Variants in HS6ST3 observed in about 807,000 individuals in gnomAD.
HS6ST3 encodes the protein heparan-sulfate 6-O-sulfotransferase 3.
Under a neutral mutation model 36.7 loss-of-function variants are expected in HS6ST3, and 12 were observed. That is an observed-to-expected ratio of 0.33 (90% CI 0.21 to 0.53). The LOEUF (loss-of-function observed/expected upper bound fraction) is 0.53, where lower values mean the gene tolerates loss of function less well. Among genes scored for constraint, HS6ST3 ranks in the 20% least tolerant of loss-of-function variants. The pLI is 0.95. For synonymous variants in HS6ST3, 240 were observed against 257.5 expected (o/e 0.93, Z 0.65); for missense variants, 584 against 640.9 (o/e 0.91, Z 0.96).
chr13:96,308,351 CAG>C (rs2054924039), intron 1 of HS6ST3, among the ~76,000 whole-genome samples: 1 of 152,068 alleles, frequency 6.6e-6, no homozygotes, highest in Admixed American at 6.5e-5. Flanking sequence ...TATAATTAGA[CAG>C]AGAATATTTA....
At chr13:96,399,422 A>G (rs938633892) in intron 1 of HS6ST3, among the ~76,000 whole-genome samples, 2 of 152,220 alleles carry the variant, frequency 1.3e-5, no homozygotes, top group African/African-American at 4.8e-5. Flanking sequence ...GATTAATAGC[A>G]AGATTACTTA....
chr13:96,548,687 C>G (rs1413152184), intron 1 of HS6ST3, among the ~76,000 whole-genome samples: 2 of 152,160 alleles, frequency 1.3e-5, no homozygotes, highest in Non-Finnish European at 2.9e-5. Context: ...AGCCAGCCTC[C>G]TAGTTGAAAT....
chr13:96,802,896 G>A lies in HS6ST3; in HGVS notation c.708-29594G>A, dbSNP rs541531866. Among the ~76,000 whole-genome samples, 19 of 152,156 alleles carry A rather than the reference G, an allele frequency of 1.2e-4. No individual in the cohort carries two copies. The South Asian group carries it at 3.7e-3, about 30-fold the overall frequency. On this transcript the variant is annotated intron_variant, in intron 1 of 1. Transcript: ENST00000376705. Reference sequence around the variant, plus strand: ...TCAAGTGGCATTTTAAAGTCTTACCGTAAAAGTACCTTATCAATCTGCATA... The same window carrying A: ...TCAAGTGGCATTTTAAAGTCTTACCATAAAAGTACCTTATCAATCTGCATA...
chr13:96,464,947 C>CATGT (rs1296442928), intron 1 of HS6ST3, among the ~76,000 whole-genome samples: 1 of 145,460 alleles, frequency 6.9e-6, no homozygotes, highest in Admixed American at 6.9e-5. Context: ...CAAGATGCTT[C>CATGT]GTGTGTGTGT....
chr13:96,744,310 A>G (rs1021343322), intron 1 of HS6ST3, among the ~76,000 whole-genome samples: 4 of 152,112 alleles, frequency 2.6e-5, no homozygotes, highest in African/African-American at 7.2e-5. Flanking sequence ...CTAGAAAACC[A>G]TAAAGAAAAT....
chr13:96,342,382 C>G (rs1047583172), intron 1 of HS6ST3, among the ~76,000 whole-genome samples: 1 of 152,144 alleles, frequency 6.6e-6, no homozygotes, highest in Non-Finnish European at 1.5e-5. Flanking sequence ...GCCTAGGTAT[C>G]TAATACTATG....
intron 1 of HS6ST3, among the ~76,000 whole-genome samples, chr13:96,405,155 C>T (rs1255793344): frequency 7.9e-5 from 12 of 152,140 alleles, no homozygotes; most frequent in East Asian, 3.9e-4. Flanking sequence ...AGCATGAAAA[C>T]GAACTAATAC....
intron 1 of HS6ST3, among the ~76,000 whole-genome samples, chr13:96,550,023 G>A (rs996682553): frequency 2.0e-5 from 3 of 152,160 alleles, no homozygotes; most frequent in African/African-American, 7.2e-5. Flanking sequence ...GCCTTTAAAA[G>A]CATCACATAG....
At chr13:96,520,966 T>A (rs1039939823) in intron 1 of HS6ST3, among the ~76,000 whole-genome samples, 5 of 152,224 alleles carry the variant, frequency 3.3e-5, no homozygotes, top group African/African-American at 4.8e-5. Context: ...CTATTCAGTA[T>A]GATATTGGCT....
At chr13:96,102,633 T>C (rs1249543762) in intron 1 of HS6ST3, among the ~76,000 whole-genome samples, 3 of 152,238 alleles carry the variant, frequency 2.0e-5, no homozygotes, top group Admixed American at 2.0e-4. Flanking sequence ...AAAGAATAAT[T>C]AATGTAATGA....
In HS6ST3 at chr13:96,711,424, G is replaced by A. The variant is rs541109880; in HGVS notation, c.708-121066G>A. The stretch of plus-strand genomic sequence containing the variant: ...TACTGTAGTAATAAAATAATAAGAA[G>A]GAATAAGTAACATTTTAACATCTAG... On this transcript the variant is annotated intron_variant, in intron 1 of 1. Transcript: ENST00000376705. 2.6e-5 allele frequency among the ~76,000 whole-genome samples: 4 copies of A among 152,186 alleles called. No individual in the cohort carries two copies. The South Asian group carries it at 8.3e-4, about 32-fold the overall frequency.
At chr13:96,497,340 G>A (rs966546398) in intron 1 of HS6ST3, among the ~76,000 whole-genome samples, 1 of 152,132 alleles carries the variant, frequency 6.6e-6, no homozygotes, top group African/African-American at 2.4e-5. Flanking sequence ...TGATCACCCC[G>A]AGGAATGTGA....
At chr13:96,636,159 G>C (rs958614446) in intron 1 of HS6ST3, among the ~76,000 whole-genome samples, 2 of 152,110 alleles carry the variant, frequency 1.3e-5, no homozygotes, top group South Asian at 4.1e-4. Context: ...CAAGAAGTGA[G>C]GGTACATTTG....
At chr13:96,577,041 AGTTCTGGGATACAT>A (rs2056324735) in intron 1 of HS6ST3, among the ~76,000 whole-genome samples, 1 of 151,248 alleles carries the variant, frequency 6.6e-6, no homozygotes, top group South Asian at 2.1e-4. Context: ...TTATACTTTA[AGTTCTGGGATACAT>A]GTGCAGAACA....
chr13:96,149,679 C>T (rs1206712543), intron 1 of HS6ST3, among the ~76,000 whole-genome samples: 1 of 152,252 alleles, frequency 6.6e-6, no homozygotes, highest in Non-Finnish European at 1.5e-5. Flanking sequence ...ACACAATCCT[C>T]CCCTATAATG....
intron 1 of HS6ST3, among the ~76,000 whole-genome samples, chr13:96,139,426 G>A (rs1289770788): frequency 6.7e-6 from 1 of 149,698 alleles, no homozygotes; most frequent in Non-Finnish European, 1.5e-5. Context: ...AATGAATCCT[G>A]TAATTTGATG....
intron 1 of HS6ST3, among the ~76,000 whole-genome samples, chr13:96,265,735 A>T (rs185937969): frequency 6.6e-6 from 1 of 152,258 alleles, no homozygotes; most frequent in Admixed American, 6.5e-5. Flanking sequence ...GAGCCAGTTT[A>T]TACTTGTTGT....
At chr13:96,485,793 G>A (rs1402181061) in intron 1 of HS6ST3, among the ~76,000 whole-genome samples, 2 of 152,174 alleles carry the variant, frequency 1.3e-5, no homozygotes, top group Non-Finnish European at 2.9e-5. Flanking sequence ...GACATGTATG[G>A]AGTTGTTTTG....
chr13:96,782,051 T>C (rs1235625634), intron 1 of HS6ST3, among the ~76,000 whole-genome samples: 1 of 152,194 alleles, frequency 6.6e-6, no homozygotes, highest in Non-Finnish European at 1.5e-5. Context: ...ATAGAAATGA[T>C]AAGGCATATT....
Sources: allele counts gnomAD v4.1 joint callset (sites outside exome capture counted in the v4.1 genomes callset), GRCh38; gene constraint gnomAD v4.1.1; transcripts MANE v1.5; gene names NCBI Gene and HGNC (gene_info 2026-07-23, HGNC 2026-07-21).